Variants in CSMD1 observed in about 807,000 individuals in gnomAD.
CSMD1 encodes the protein CUB and Sushi multiple domains 1, also known as CUB and sushi domain-containing protein 1.
A neutral mutation model predicts 417.5 loss-of-function variants in CSMD1; 213 were observed. That is an observed-to-expected ratio of 0.51 (90% CI 0.46 to 0.57). The LOEUF (loss-of-function observed/expected upper bound fraction) is 0.57. CSMD1 is among the 20% of genes least tolerant of loss of function. The pLI is 0.00. For synonymous variants in CSMD1, 2,862 were observed against 1,736.8 expected (o/e 1.65, Z -16.11); for missense variants, 6,923 against 4,529.7 (o/e 1.53, Z -15.17).
At chr8:4,075,299 G>A (rs1464561772) in intron 3 of CSMD1, among the ~76,000 whole-genome samples, 1 of 152,050 alleles carries the variant, frequency 6.6e-6, no homozygotes, top group Non-Finnish European at 1.5e-5. Context: ...ATATGTTTAT[G>A]TAAATAAAAA....
chr8:4,468,877 C>A lies in CSMD1; in HGVS notation c.303-48812G>T, dbSNP rs373742209. On this transcript the variant is annotated intron_variant, in intron 2 of 69. Coordinates refer to ENST00000635120, the MANE Select transcript of CSMD1 (RefSeq NM_033225.6). ...AAGCTAATTATAAACTTGAACACTG[C>A]AAGGAATTTTAGAATATTTTGGCTA... Among the ~76,000 whole-genome samples, 3 of 151,980 alleles carry A rather than the reference C, an allele frequency of 2.0e-5. No individual in the cohort carries two copies. The East Asian group carries it at 5.8e-4, about 29-fold the overall frequency.
intron 3 of CSMD1, among the ~76,000 whole-genome samples, chr8:4,204,359 A>T (rs1373958589): frequency 6.6e-6 from 1 of 152,206 alleles, no homozygotes; most frequent in Non-Finnish European, 1.5e-5. Flanking sequence ...CTAGGTGAGC[A>T]AACTGACAAC....
chr8:3,651,596 TG>T (rs1381577866), intron 7 of CSMD1, among the ~76,000 whole-genome samples: 4 of 152,238 alleles, frequency 2.6e-5, no homozygotes, highest in Admixed American at 2.6e-4. Flanking sequence ...GAATAGCCCC[TG>T]CCCCCCTGCA....
chr8:4,713,589 C>T (rs774193435), intron 1 of CSMD1, among the ~76,000 whole-genome samples: 4 of 151,898 alleles, frequency 2.6e-5, no homozygotes, highest in South Asian at 2.1e-4. Flanking sequence ...TTAGTAGAGA[C>T]GGGGTTTCAC....
chr8:4,016,537 G>C (rs1001273825), intron 4 of CSMD1, among the ~76,000 whole-genome samples: 1 of 152,128 alleles, frequency 6.6e-6, no homozygotes, highest in African/African-American at 2.4e-5. Flanking sequence ...GGGGCTATGA[G>C]AAGGAAAGAG....
At chr8:3,907,550 G>T (rs1808192219) in intron 5 of CSMD1, among the ~76,000 whole-genome samples, 1 of 152,052 alleles carries the variant, frequency 6.6e-6, no homozygotes, top group African/African-American at 2.4e-5. Context: ...TTAAGGAATG[G>T]CCCAGCCAAG....
chr8:4,214,401 G>A (rs552787890), intron 3 of CSMD1, among the ~76,000 whole-genome samples: 26 of 152,258 alleles, frequency 1.7e-4, no homozygotes, highest in Non-Finnish European at 2.6e-4. Flanking sequence ...GGATTCAATC[G>A]ATTCAAATGC....
intron 37 of CSMD1, among the ~76,000 whole-genome samples, chr8:3,172,887 T>G (rs1342637644): frequency 6.6e-6 from 1 of 152,148 alleles, no homozygotes; most frequent in Non-Finnish European, 1.5e-5. Context: ...ATCTCATGAT[T>G]GATGATTTTC....
intron 5 of CSMD1, among the ~76,000 whole-genome samples, chr8:3,915,244 A>G (rs192840952): frequency 6.6e-6 from 1 of 152,048 alleles, no homozygotes; most frequent in East Asian, 1.9e-4. Flanking sequence ...TGCCTCTACC[A>G]AAAATAGAAA....
rs372067160 is a variant in CSMD1 at position 4,944,872 on chromosome 8, C to T, written c.85+49460G>A. 2.6e-5 allele frequency among the ~76,000 whole-genome samples: 4 copies of T among 152,164 alleles called. 1 individual carries two copies. The highest frequency in any genetic ancestry group is 9.6e-5 in the African/African-American group (4 of 41,526). ...ATTCTTCTGAAAATTAAAAATAAAA[C>T]TGCCATATAATAGAGGAATCCACTT... On this transcript the variant is annotated intron_variant, in intron 1 of 69. Coordinates refer to ENST00000635120, the MANE Select transcript of CSMD1 (RefSeq NM_033225.6).
At chr8:3,220,854 A>G (rs1798167727) in intron 28 of CSMD1, among the ~76,000 whole-genome samples, 1 of 151,816 alleles carries the variant, frequency 6.6e-6, no homozygotes, top group South Asian at 2.1e-4. Flanking sequence ...CAACCAACCA[A>G]CCAAGCAACC....
intron 68 of CSMD1, among the ~76,000 whole-genome samples, chr8:2,945,973 TA>T (rs1388984658): frequency 6.6e-6 from 1 of 152,202 alleles, no homozygotes; most frequent in Non-Finnish European, 1.5e-5. Context: ...ATGTTGGGGA[TA>T]CATTCTGAGA....
At chr8:3,561,644 T>G (rs75116014) in intron 10 of CSMD1, among the ~76,000 whole-genome samples, 1 of 151,534 alleles carries the variant, frequency 6.6e-6, no homozygotes, top group Non-Finnish European at 1.5e-5. Context: ...GGCAGGAGAG[T>G]AAAGCTTAAG....
chr8:3,543,323 G>A (rs1214401220), intron 10 of CSMD1, among the ~76,000 whole-genome samples: 3 of 152,184 alleles, frequency 2.0e-5, no homozygotes, highest in Non-Finnish European at 4.4e-5. Flanking sequence ...AGGGAGTGAG[G>A]TGAAAAGTCA....
At chr8:3,968,450 G>A (rs900453660) in intron 5 of CSMD1, among the ~76,000 whole-genome samples, 6 of 152,082 alleles carry the variant, frequency 3.9e-5, no homozygotes, top group South Asian at 2.1e-4. Context: ...CCCACACAAT[G>A]CTTTTCTCTT....
intron 10 of CSMD1, among the ~76,000 whole-genome samples, chr8:3,494,605 T>C (rs1004797632): frequency 1.1e-4 from 16 of 142,684 alleles, no homozygotes; most frequent in South Asian, 8.8e-4. Context: ...GATAGATAGA[T>C]AGATGACAGA....
At chr8:3,294,857 G>A (rs528080847) in intron 25 of CSMD1, among the ~76,000 whole-genome samples, 1 of 152,198 alleles carries the variant, frequency 6.6e-6, no homozygotes, top group African/African-American at 2.4e-5. Context: ...ACACTCCCCA[G>A]TGAGATGTAC....
intron 7 of CSMD1, among the ~76,000 whole-genome samples, chr8:3,656,715 C>G (rs1157052056): frequency 6.6e-6 from 1 of 152,156 alleles, no homozygotes; most frequent in Admixed American, 6.6e-5. Flanking sequence ...ATCACAAGGT[C>G]AGCAGTCCGA....
At chr8:3,036,004 C>A (rs867893525) in intron 50 of CSMD1, among the ~76,000 whole-genome samples, 1 of 152,146 alleles carries the variant, frequency 6.6e-6, no homozygotes, top group Middle Eastern at 3.2e-3. Flanking sequence ...ATGGTTGACA[C>A]ATTTTTGTTC....
Sources: gnomAD v4.1 joint callset for allele counts (sites outside exome capture counted in the v4.1 genomes callset) on GRCh38, gnomAD v4.1.1 for gene constraint, MANE v1.5 for transcripts, NCBI Gene and HGNC (gene_info 2026-07-23, HGNC 2026-07-21) for gene names.